The following SUGCT variants were observed in gnomAD, a reference collection of about 807,000 sequenced individuals.
SUGCT encodes the protein succinyl-CoA:glutarate CoA-transferase.
A neutral mutation model predicts 55.0 loss-of-function variants in SUGCT; 41 were observed. The ratio of observed to expected loss-of-function variants is 0.74; its 90% confidence interval spans 0.58 to 0.97. SUGCT has a LOEUF of 0.97. Ranked by LOEUF, SUGCT falls within the 50% of genes least tolerant of loss-of-function variation. SUGCT has a pLI of 0.00. For synonymous variants in SUGCT, 187 were observed against 200.4 expected (o/e 0.93, Z 0.56); for missense variants, 568 against 547.8 (o/e 1.04, Z -0.37).
At chr7:40,843,504 G>T (rs200596210) in intron 13 of SUGCT, among the ~76,000 whole-genome samples, 1 of 66,406 alleles carries the variant, frequency 1.5e-5, no homozygotes, top group Admixed American at 1.7e-4. Flanking sequence ...GAGAGACTCT[G>T]TCTCAAAAAA....
intron 13 of SUGCT, among the ~76,000 whole-genome samples, chr7:40,856,636 A>T (rs768997541): frequency 3.9e-5 from 6 of 151,956 alleles, no homozygotes; most frequent in Non-Finnish European, 7.4e-5. Context: ...TTAGAATGCC[A>T]TGTAGGAAGT....
At chr7:40,242,839 A>G (rs967531722) in intron 7 of SUGCT, among the ~76,000 whole-genome samples, 3 of 144,074 alleles carry the variant, frequency 2.1e-5, no homozygotes, top group African/African-American at 7.6e-5. Context: ...TATGCATAGA[A>G]CAGGCCCTTA....
At chr7:40,208,981 TTATCCTCAAAATTC>T (rs1157190798) in intron 6 of SUGCT, among the ~76,000 whole-genome samples, 4 of 152,222 alleles carry the variant, frequency 2.6e-5, no homozygotes, top group Non-Finnish European at 5.9e-5. Context: ...TTTCATGTTT[TTATCCTCAAAATTC>T]TATTCCATAC....
chr7:41,018,884 C>T, the SUGCT span, among the ~76,000 whole-genome samples: 1 of 151,642 alleles, frequency 6.6e-6, no homozygotes, highest in South Asian at 2.1e-4. Flanking sequence ...CTATAAACAA[C>T]ATTTATATGA....
At chr7:40,849,621 A>T (rs1206030478) in intron 13 of SUGCT, among the ~76,000 whole-genome samples, 1 of 152,160 alleles carries the variant, frequency 6.6e-6, no homozygotes, top group Non-Finnish European at 1.5e-5. Flanking sequence ...ACCTGTATAT[A>T]GCTAGAGTAG....
In SUGCT at chr7:40,332,455, G is replaced by GTT. The variant is rs376638391; in HGVS notation, c.816+15612_816+15613dup. ...GAATCTGCATTGGATTTTTTTTTTTGTTTTTTTTTTTTTACATAGTTAAAT... is the reference window on the plus strand; with the variant it reads ...GAATCTGCATTGGATTTTTTTTTTTGTTTTTTTTTTTTTTTACATAGTTAAAT... On this transcript the variant is annotated intron_variant, in intron 9 of 13. Transcript: ENST00000335693. Among the ~76,000 whole-genome samples the GTT allele has an allele frequency of 4.3e-3, 551 of 129,352 alleles. 2 individuals are homozygous for GTT. Among genetic ancestry groups the GTT allele is most frequent in the East Asian group, 6.6e-3 (27 of 4,088 alleles). 84.9% of individuals were successfully genotyped at this position (129,352 alleles called of 152,430 possible). A position where few individuals can be genotyped will look rare whatever the true frequency, so the allele number is the denominator to read the frequency against.
At chr7:40,187,381 C>G (rs980780876) in intron 3 of SUGCT, among the ~76,000 whole-genome samples, 1 of 151,920 alleles carries the variant, frequency 6.6e-6, no homozygotes. Context: ...CTTATGTATA[C>G]ATATGTAACA....
intron 12 of SUGCT, among the ~76,000 whole-genome samples, chr7:40,569,742 A>T (rs1796341628): frequency 6.6e-6 from 1 of 152,232 alleles, no homozygotes; most frequent in African/African-American, 2.4e-5. Context: ...TTGATAGTTG[A>T]GAGTTACAAT....
At chr7:40,439,661 C>T (rs903653284) in intron 9 of SUGCT, among the ~76,000 whole-genome samples, 1 of 152,100 alleles carries the variant, frequency 6.6e-6, no homozygotes, top group South Asian at 2.1e-4. Context: ...GTCTTTCATT[C>T]TCATAACTCC....
the SUGCT span, among the ~76,000 whole-genome samples, chr7:40,898,680 C>G: frequency 4.0e-5 from 6 of 151,696 alleles, no homozygotes; most frequent in Non-Finnish European, 5.9e-5. Context: ...GCAGAGATCG[C>G]GCCGCGAGAC....
chr7:40,519,060 T>C (rs994265139), intron 12 of SUGCT, among the ~76,000 whole-genome samples: 11 of 152,094 alleles, frequency 7.2e-5, no homozygotes, highest in South Asian at 6.2e-4. Context: ...TTCCTGGATA[T>C]AATTTGCAAC....
At chr7:40,406,328 C>T (rs1385587658) in intron 9 of SUGCT, among the ~76,000 whole-genome samples, 2 of 152,056 alleles carry the variant, frequency 1.3e-5, no homozygotes, top group Non-Finnish European at 2.9e-5. Context: ...ATCTTGTGGC[C>T]TTTGGCTGTG....
At chr7:40,921,088 T>C in the SUGCT span, among the ~76,000 whole-genome samples, 10 of 152,202 alleles carry the variant, frequency 6.6e-5, no homozygotes, top group African/African-American at 2.2e-4. Context: ...TGGATGTTAT[T>C]GGCACCTTCC....
chr7:40,472,585 T>C (rs1442491944), intron 11 of SUGCT, among the ~76,000 whole-genome samples: 1 of 152,086 alleles, frequency 6.6e-6, no homozygotes, highest in Non-Finnish European at 1.5e-5. Context: ...AATCAATGAA[T>C]TGATGAAGCT....
At position 40,570,850 on chromosome 7, in the gene SUGCT, C is replaced by CTTTTTT. The variant is rs776733346; in HGVS notation, c.1089+74486_1089+74491dup. 6.5e-4 allele frequency among the ~76,000 whole-genome samples: 34 copies of CTTTTTT among 52,302 alleles called. 5 individuals are homozygous for CTTTTTT. Among genetic ancestry groups the CTTTTTT allele is most frequent in the African/African-American group, 2.7e-3 (31 of 11,526 alleles). The allele number at this position is 52,302 out of a possible 152,430, so 34.3% of individuals were successfully genotyped here. On this transcript the variant is annotated intron_variant, in intron 12 of 13. Transcript: ENST00000335693. The stretch of plus-strand genomic sequence containing the variant: ...CCCCTCTGGGCAAAAGCTTTAGGCT[C>CTTTTTT]TTTTTTTTTTTTTTTTTTTTTTTTT...
intron 9 of SUGCT, among the ~76,000 whole-genome samples, chr7:40,395,489 C>CAAAAAAA (rs36068766): frequency 1.7e-4 from 8 of 46,128 alleles, no homozygotes; most frequent in East Asian, 1.0e-3. Flanking sequence ...AACTCTGTCT[C>CAAAAAAA]AAAAAAAAAA....
intron 9 of SUGCT, among the ~76,000 whole-genome samples, chr7:40,340,783 G>T (rs1483910850): frequency 6.6e-6 from 1 of 152,118 alleles, no homozygotes; most frequent in Non-Finnish European, 1.5e-5. Context: ...ATAGAAGGTC[G>T]ACTGGAGAAT....
intron 12 of SUGCT, among the ~76,000 whole-genome samples, chr7:40,513,992 G>A (rs1793092148): frequency 6.6e-6 from 1 of 151,826 alleles, no homozygotes. Context: ...GGATTTCACT[G>A]TGTTAGCCAG....
intron 9 of SUGCT, among the ~76,000 whole-genome samples, chr7:40,365,038 G>A (rs1319417555): frequency 6.6e-6 from 1 of 152,114 alleles, no homozygotes; most frequent in Non-Finnish European, 1.5e-5. Flanking sequence ...ACCGAATCCA[G>A]CAGCACATCA....
Sources: gnomAD v4.1 joint callset for allele counts (sites outside exome capture counted in the v4.1 genomes callset) on GRCh38, gnomAD v4.1.1 for gene constraint, MANE v1.5 for transcripts, NCBI Gene and HGNC (gene_info 2026-07-23, HGNC 2026-07-21) for gene names.